The following PDE1C variants were observed in gnomAD, a reference collection of about 807,000 sequenced individuals.
PDE1C encodes the protein phosphodiesterase 1C.
PDE1C carries 62 observed loss-of-function variants against 93.1 expected under a neutral mutation model. That is an observed-to-expected ratio of 0.67 (90% confidence interval 0.54 to 0.82). The LOEUF (loss-of-function observed/expected upper bound fraction) is 0.82. Among genes scored for constraint, PDE1C ranks in the 40% least tolerant of loss-of-function variants. The pLI, the probability that PDE1C is intolerant of heterozygous loss-of-function variation, is 0.00. For missense variants in PDE1C, 742 were observed against 884.6 expected (o/e 0.84, Z 2.04); for synonymous variants, 325 against 310.1 (o/e 1.05, Z -0.50).
intron 1 of PDE1C, among the ~76,000 whole-genome samples, chr7:32,346,814 T>C (rs372059017): frequency 2.2e-4 from 34 of 152,086 alleles, no homozygotes; most frequent in African/African-American, 8.0e-4. Context: ...TTATCCAAGG[T>C]AAAAGAAGTC....
rs1310847778 is a variant in PDE1C at position 32,128,940 on chromosome 7, TATATATATATATAA to T, written c.308+40831_308+40844del. ...ATATATATATATATATATATATATA[TATATATATATATAA>T]AGAAAAATCTAAAAAAAACAGAAAA... is the stretch of plus-strand genomic sequence containing the variant. On this transcript the variant is annotated intron_variant, in intron 3 of 18. Coordinates refer to the PDE1C transcript ENST00000396193. 2.8e-3 allele frequency among the ~76,000 whole-genome samples: 252 copies of T among 90,630 alleles called. 10 individuals are homozygous for T. The highest frequency in any genetic ancestry group is 0.011 in the African/African-American group (241 of 21,452). 59.5% of individuals were successfully genotyped at this position (90,630 alleles called of 152,430 possible).
the PDE1C span, among the ~76,000 whole-genome samples, chr7:31,618,732 T>C: frequency 3.3e-3 from 506 of 152,338 alleles, 4 homozygotes; most frequent in African/African-American, 0.012. Flanking sequence ...TCTTAAAAGC[T>C]AAGCAACTTG....
intron 2 of PDE1C, among the ~76,000 whole-genome samples, chr7:31,932,765 C>T (rs1469217465): frequency 1.3e-5 from 2 of 152,090 alleles, no homozygotes; most frequent in African/African-American, 4.8e-5. Context: ...CACATGCGCA[C>T]ATATGTTTAC....
chr7:31,659,083 A>C, the PDE1C span, among the ~76,000 whole-genome samples: 1 of 152,166 alleles, frequency 6.6e-6, no homozygotes, highest in Non-Finnish European at 1.5e-5. Context: ...ATTTGGGGAT[A>C]TTTTATAACT....
chr7:32,398,421 C>T (rs938983891), intron 1 of PDE1C, among the ~76,000 whole-genome samples: 1 of 151,202 alleles, frequency 6.6e-6, no homozygotes, highest in Admixed American at 6.6e-5. Flanking sequence ...CAGAGTCTTG[C>T]TCTGTCACCC....
At chr7:32,362,420 G>C (rs1219119269) in intron 1 of PDE1C, among the ~76,000 whole-genome samples, 1 of 152,158 alleles carries the variant, frequency 6.6e-6, no homozygotes, top group Admixed American at 6.5e-5. Flanking sequence ...GTCTCTCTCA[G>C]TGGCTTTGGT....
intron 17 of PDE1C, among the ~76,000 whole-genome samples, chr7:31,764,968 C>T (rs553473994): frequency 5.9e-5 from 9 of 152,134 alleles, no homozygotes; most frequent in Non-Finnish European, 1.2e-4. Context: ...CTTTCTTCAG[C>T]GGTGTCTTGA....
At chr7:32,219,008 G>T (rs1806637465) in intron 1 of PDE1C, among the ~76,000 whole-genome samples, 1 of 152,162 alleles carries the variant, frequency 6.6e-6, no homozygotes, top group African/African-American at 2.4e-5. Context: ...CGAGCTTCCT[G>T]GTACATATCA....
At chr7:32,414,830 T>TA (rs11438774) in intron 1 of PDE1C, among the ~76,000 whole-genome samples, 80,397 of 138,654 alleles carry the variant, frequency 0.58, 23,141 homozygotes, top group Non-Finnish European at 0.66. Flanking sequence ...ATGCCAATGA[T>TA]AAAAAAAAAA....
intron 7 of PDE1C, among the ~76,000 whole-genome samples, chr7:31,858,180 T>A (rs1794254926): frequency 6.6e-6 from 1 of 150,878 alleles, no homozygotes; most frequent in Non-Finnish European, 1.5e-5. Context: ...TAACAGAGAG[T>A]GTTTGGCTTT....
the PDE1C span, among the ~76,000 whole-genome samples, chr7:31,647,805 CATT>C: frequency 1.3e-5 from 2 of 151,778 alleles, no homozygotes; most frequent in Non-Finnish European, 2.9e-5. Context: ...TCAAAAACAT[CATT>C]ATCTTACCCC....
chr7:32,410,388 G>A (rs1281236714), intron 1 of PDE1C, among the ~76,000 whole-genome samples: 2 of 151,814 alleles, frequency 1.3e-5, no homozygotes, highest in Admixed American at 1.3e-4. Flanking sequence ...GAAGGAGGAG[G>A]GGGTGGAGGG....
chr7:31,930,567 G>A (rs1005383699), intron 2 of PDE1C, among the ~76,000 whole-genome samples: 3 of 151,906 alleles, frequency 2.0e-5, no homozygotes, highest in Admixed American at 1.3e-4. Flanking sequence ...CAGGCCAGGC[G>A]TGGTGGCTCA....
Position 32,051,562 on chromosome 7 carries a change from C to G in PDE1C, c.120G>C (p.Thr40=). ...RLRGLRKYKK[T]SQRLRSLVKQ... is the part of the protein sequence containing the mutation. Reference sequence around the variant, plus strand: ...CAGAAAGACGTTCTTACCTCTGGGACGTTTTCTTATATTTCCTCCTGTAAG... The same window carrying G: ...CAGAAAGACGTTCTTACCTCTGGGAGGTTTTCTTATATTTCCTCCTGTAAG... The change falls in exon 2 of 18, where the codon ACG becomes ACC. Residue 40 remains threonine, a synonymous_variant. Transcript: ENST00000396191. The G allele has an allele frequency of 7.4e-6, 12 of 1,613,710 alleles. No homozygotes were observed. Among genetic ancestry groups the G allele is most frequent in the Non-Finnish European group, 1.0e-5 (12 of 1,179,762 alleles).
intron 2 of PDE1C, among the ~76,000 whole-genome samples, chr7:32,177,086 A>C (rs1803047928): frequency 1.3e-5 from 2 of 152,218 alleles, no homozygotes; most frequent in African/African-American, 4.8e-5. Context: ...AAAACATGTC[A>C]CAGGAAACAC....
At chr7:31,644,346 T>A in the PDE1C span, among the ~76,000 whole-genome samples, 1 of 152,218 alleles carries the variant, frequency 6.6e-6, no homozygotes, top group African/African-American at 2.4e-5. Context: ...CCATTTAATC[T>A]TTTTGTAAAA....
At chr7:32,301,537 C>T (rs561483082), upstream of PDE1C, among the ~76,000 whole-genome samples, 7 of 152,334 alleles carry the variant, frequency 4.6e-5, no homozygotes, top group Middle Eastern at 3.4e-3. Context: ...ATCATTATCT[C>T]TCTCCCTGGT....
intron 3 of PDE1C, among the ~76,000 whole-genome samples, chr7:32,106,986 A>G (rs1337894851): frequency 1.8e-4 from 3 of 16,744 alleles, no homozygotes; most frequent in African/African-American, 5.0e-4. Context: ...AACTCTAAGA[A>G]AAAAAAAAAA....
chr7:32,378,102 G>A (rs1297363789), intron 1 of PDE1C, among the ~76,000 whole-genome samples: 1 of 152,168 alleles, frequency 6.6e-6, no homozygotes, highest in Non-Finnish European at 1.5e-5. Context: ...GTGGCATTGT[G>A]TTCTAACAGC....
Sources: allele counts gnomAD v4.1 joint callset (sites outside exome capture counted in the v4.1 genomes callset), GRCh38; gene constraint gnomAD v4.1.1; transcripts MANE v1.5; gene names NCBI Gene and HGNC (gene_info 2026-07-23, HGNC 2026-07-21).